Variants in WDR26 observed in about 807,000 individuals in gnomAD.
The protein encoded by WDR26 is WD repeat-containing protein 26.
WDR26 carries 5 observed loss-of-function variants against 84.1 expected under a neutral mutation model. The observed-to-expected ratio is 0.06, with a 90% CI of 0.03 to 0.13. The LOEUF (loss-of-function observed/expected upper bound fraction) is 0.13, where lower values mean the gene tolerates loss of function less well. Ranked by LOEUF, WDR26 falls within the 10% of genes least tolerant of loss-of-function variation. The pLI, the probability that WDR26 is intolerant of heterozygous loss-of-function variation, is 1.00. For synonymous variants in WDR26, 415 were observed against 389.6 expected (o/e 1.07, Z -0.77); for missense variants, 642 against 974.9 (o/e 0.66, Z 4.55).
chr1:224,422,453 C>T (rs147124553), intron 4 of WDR26, among the ~76,000 whole-genome samples: 43 of 152,256 alleles, frequency 2.8e-4, no homozygotes, highest in African/African-American at 8.2e-4. Flanking sequence ...CAGTGGCTCA[C>T]GCCTATAATC....
intron 4 of WDR26, among the ~76,000 whole-genome samples, chr1:224,420,119 T>TC (rs1421686175): frequency 6.6e-6 from 1 of 152,156 alleles, no homozygotes; most frequent in African/African-American, 2.4e-5. Context: ...GAACATATCT[T>TC]CAAGACTTTA....
chr1:224,400,552 T>C (rs1357073566), intron 9 of WDR26, among the ~76,000 whole-genome samples: 2 of 152,184 alleles, frequency 1.3e-5, no homozygotes, highest in Non-Finnish European at 2.9e-5. Flanking sequence ...GTTTTATTTA[T>C]GTATTTTTTT....
intron 6 of WDR26, chr1:224,413,453 A>G (rs569601314): frequency 5.9e-6 from 2 of 337,174 alleles, no homozygotes; most frequent in South Asian, 3.3e-5. Context: ...TTTAAATTAA[A>G]TTGCTTTAAT....
chr1:224,433,600 T>TCCCCCCCCCCCCCCCTCCCCCCC, intron 1 of WDR26, 84 bp downstream of exon 1: 1 of 287,052 alleles, frequency 3.5e-6, no homozygotes, highest in Non-Finnish European at 6.3e-6. Flanking sequence ...CAAGCCCCCC[T>TCCCCCCCCCCCCCCCTCCCCCCC]CCCCCCTCCG....
rs1385999545 is a variant in WDR26 at position 224,424,746 on chromosome 1, A to G, written c.928-92T>C. On this transcript the variant is annotated intron_variant, in intron 3 of 13. Transcript: ENST00000414423. ...TAAACAGAACAGTAGAAACCATTCT[A>G]CTATGCCCTTTGAAATAACTTTTTA... is the stretch of plus-strand genomic sequence containing the variant. The G allele has an allele frequency of 6.6e-6, 10 of 1,526,382 alleles. No homozygotes were observed. The South Asian group carries it at 9.1e-5, about 14-fold the overall frequency. 94.6% of individuals were successfully genotyped at this position (1,526,382 alleles called of 1,614,324 possible).
chr1:224,416,978 C>T (rs1673923586), intron 6 of WDR26, among the ~76,000 whole-genome samples: 1 of 152,140 alleles, frequency 6.6e-6, no homozygotes, highest in Admixed American at 6.5e-5. Context: ...TTTCTAATCA[C>T]TTCCTTGTAG....
intron 1 of WDR26, among the ~76,000 whole-genome samples, chr1:224,433,026 T>C (rs951815771): frequency 5.3e-5 from 8 of 152,342 alleles, no homozygotes; most frequent in African/African-American, 1.9e-4. Context: ...AACTGAGATT[T>C]CAGACTAGTT....
chr1:224,433,609 CGCCCCTT>C, intron 1 of WDR26, 68 bp downstream of exon 1: 3 of 750,716 alleles, frequency 4.0e-6, no homozygotes, highest in Non-Finnish European at 5.5e-6. Flanking sequence ...CTCCCCCCTC[CGCCCCTT>C]CCCCTACCCC....
At chr1:224,397,252 G>C (rs946577603) in intron 12 of WDR26, among the ~76,000 whole-genome samples, 5 of 152,106 alleles carry the variant, frequency 3.3e-5, no homozygotes, top group African/African-American at 1.2e-4. Flanking sequence ...AGGCCTCCCA[G>C]AGTGTTGAGA....
intron 9 of WDR26, among the ~76,000 whole-genome samples, chr1:224,400,328 T>TA (rs1457285618): frequency 6.6e-6 from 1 of 151,810 alleles, no homozygotes; most frequent in East Asian, 1.9e-4. Flanking sequence ...AAAAGAAATT[T>TA]AAAAAATCTT....
chr1:224,398,082 A>G lies in WDR26; in HGVS notation c.2074+15T>C, dbSNP rs1452172527. On this transcript the variant is annotated intron_variant, in intron 12 of 13. Transcript: ENST00000414423. ...TTAATATCAACATATGTAAACTGAT[A>G]AGGACACAATTTACCTTCACTGCCA... 4 of 1,610,802 alleles carry G rather than the reference A, an allele frequency of 2.5e-6. No individual in the cohort carries two copies. The highest frequency in any genetic ancestry group is 1.7e-4 in the Middle Eastern group (1 of 6,050).
At chr1:224,423,043 C>T (rs1169320193) in intron 4 of WDR26, among the ~76,000 whole-genome samples, 1 of 151,992 alleles carries the variant, frequency 6.6e-6, no homozygotes, top group African/African-American at 2.4e-5. Flanking sequence ...TTCTTAATTC[C>T]ATTTTCTGAA....
chr1:224,434,001 C>G lies in WDR26; in HGVS notation c.405G>C (p.Leu135Phe). Residue 135 changes from leucine (L) to phenylalanine (F), a missense_variant, in exon 1 of 14, where the codon TTG (leucine) becomes TTC (phenylalanine). This residue lies in a region of WDR26 where 291 missense variants were observed against 302.1 expected (regional missense o/e 0.96). Transcript: ENST00000414423. ...GGGACGACTCCCCGTTCTGGGCCGA[C>G]AAGCAGGCGAGTTCCGGGGTCTGTC... is the stretch of plus-strand genomic sequence containing the variant. The G allele has an allele frequency of 6.6e-7, 1 of 1,516,892 alleles. No homozygotes were observed. Among genetic ancestry groups the G allele is most frequent in the Non-Finnish European group, 8.8e-7 (1 of 1,134,794 alleles). 94.0% of individuals were successfully genotyped at this position (1,516,892 alleles called of 1,614,324 possible). A position where few individuals can be genotyped will look rare whatever the true frequency, so the allele number is the denominator to read the frequency against.
chr1:224,385,503 T>G lies in WDR26; in HGVS notation c.*4332A>C, dbSNP rs1355421918. The G allele has an allele frequency of 1.3e-5, 2 of 152,718 alleles. No individual in the cohort carries two copies. The highest frequency in any genetic ancestry group is 3.4e-3 in the Middle Eastern group (1 of 294). 9.5% of individuals were successfully genotyped at this position (152,718 alleles called of 1,614,324 possible). A position where few individuals can be genotyped will look rare whatever the true frequency, so the allele number is the denominator to read the frequency against. On this transcript the variant is annotated 3_prime_UTR_variant, in exon 14 of 14. Transcript: ENST00000414423. ...AACCCACCAAAATTGAAGAACACAA[T>G]CTTTTGAAACATTTAATCAGTCCAT...
In WDR26 at chr1:224,430,237, TTC is replaced by T. The variant is rs1159873262; in HGVS notation, c.927+1238_927+1239del. ...AATATAGATGTTTAACTATTTTAAC[TTC>T]TGTTTTTATTTTTCAATTTTACTAC... On this transcript the variant is annotated intron_variant, in intron 3 of 13. Transcript: ENST00000414423. 12 of 152,316 alleles carry T rather than the reference TTC, an allele frequency of 7.9e-5. No individual in the cohort carries two copies. The South Asian group carries it at 1.0e-3, about 13-fold the overall frequency. The allele number at this position is 152,316 out of a possible 1,614,324, so 9.4% of individuals were successfully genotyped here.
At chr1:224,418,228 C>T (rs1673962536) in intron 6 of WDR26, 32 bp downstream of exon 6, 1 of 1,565,496 alleles carries the variant, frequency 6.4e-7, no homozygotes, top group Non-Finnish European at 8.6e-7. Context: ...AAATGTTAGG[C>T]TGTTTCAGAA....
At chr1:224,397,862 A>G in intron 12 of WDR26, 1 of 495,420 alleles carries the variant, frequency 2.0e-6, no homozygotes, top group Non-Finnish European at 3.5e-6. Flanking sequence ...AATACATGAC[A>G]ATATGGAGGG....
At chr1:224,398,671 T>C in intron 10 of WDR26, 78 bp from the exon 11 acceptor site, 3 of 1,352,268 alleles carry the variant, frequency 2.2e-6, no homozygotes, top group East Asian at 2.3e-5. Context: ...TAAGATGTGC[T>C]AGCTTAAGTA....
intron 8 of WDR26, among the ~76,000 whole-genome samples, chr1:224,402,487 T>C (rs1237529604): frequency 1.3e-5 from 2 of 152,228 alleles, no homozygotes; most frequent in Non-Finnish European, 2.9e-5. Flanking sequence ...ATTTTTCTAA[T>C]TTAAGAAATG....
Sources: allele counts gnomAD v4.1 joint callset (sites outside exome capture counted in the v4.1 genomes callset), GRCh38; gene constraint gnomAD v4.1.1; regional missense constraint gnomAD v4.1.1; transcripts MANE v1.5; gene names NCBI Gene and HGNC (gene_info 2026-07-23, HGNC 2026-07-21).